The following EGF variants were observed in gnomAD, a reference collection of about 807,000 sequenced individuals.
EGF encodes the protein epidermal growth factor.
A neutral mutation model predicts 143.8 loss-of-function variants in EGF; 95 were observed. The observed-to-expected ratio is 0.66, with a 90% CI of 0.56 to 0.78. The LOEUF (loss-of-function observed/expected upper bound fraction) is 0.78. Ranked by LOEUF, EGF falls within the 30% of genes least tolerant of loss-of-function variation. The pLI is 0.00. For missense variants in EGF, 1,320 were observed against 1,470.9 expected, an observed-to-expected ratio of 0.90 and a Z score of 1.68; for synonymous variants, 510 against 510.5, an observed-to-expected ratio of 1.00 and a Z score of 0.01.
rs193251154 is a variant in EGF, at chr4:109,989,594, G to A, written c.2734+885G>A. On this transcript the variant is annotated intron_variant, in intron 18 of 23. Coordinates refer to ENST00000265171, the MANE Select transcript of EGF (RefSeq NM_001963.6). ...ATCAGACCTTTATTGGATTAGTTTT[G>A]TGGAATCCACAGACATCTGTAAACA... 1.3e-3 allele frequency among the ~76,000 whole-genome samples: 198 copies of A among 152,208 alleles called. 1 individual carries two copies. Among genetic ancestry groups the A allele is most frequent in the Non-Finnish European group, 1.6e-3 (111 of 68,024 alleles).
At chr4:109,972,518 T>C (rs1747822097) in intron 11 of EGF, among the ~76,000 whole-genome samples, 1 of 152,114 alleles carries the variant, frequency 6.6e-6, no homozygotes, top group Admixed American at 6.6e-5. Context: ...GGCCTCAGAA[T>C]TTCTTCCCTC....
chr4:109,955,285 A>C (rs1388330683), intron 5 of EGF, among the ~76,000 whole-genome samples: 2 of 152,176 alleles, frequency 1.3e-5, no homozygotes, highest in African/African-American at 4.8e-5. Context: ...TAGGAGCTTT[A>C]ATTGATCTCA....
intron 1 of EGF, among the ~76,000 whole-genome samples, chr4:109,930,035 G>A (rs1167571889): frequency 6.6e-6 from 1 of 152,072 alleles, no homozygotes. Flanking sequence ...TTTTATAAGG[G>A]GCTTCACCGC....
intron 8 of EGF, 106 bp from the exon 9 acceptor site, chr4:109,963,064 CAAA>C (rs61309548): frequency 1.2e-3 from 1,297 of 1,114,240 alleles, no homozygotes; most frequent in East Asian, 1.7e-3. Context: ...AACTCCATCT[CAAA>C]AAAAAAAAAA....
chr4:109,947,476 C>G (rs1222250852), intron 5 of EGF, among the ~76,000 whole-genome samples: 1 of 151,694 alleles, frequency 6.6e-6, no homozygotes, highest in African/African-American at 2.4e-5. Flanking sequence ...TTGTGGGAAA[C>G]AGTTCAACTC....
intron 10 of EGF, 102 bp from the exon 11 acceptor site, chr4:109,968,869 C>T (rs1341387964): frequency 3.9e-6 from 6 of 1,521,630 alleles, no homozygotes; most frequent in East Asian, 4.6e-5. Flanking sequence ...TCTCCAAAGT[C>T]AAGCTCTTAA....
At chr4:109,989,283 C>T (rs933375063) in intron 18 of EGF, among the ~76,000 whole-genome samples, 14 of 152,262 alleles carry the variant, frequency 9.2e-5, no homozygotes, top group Admixed American at 5.2e-4. Flanking sequence ...GGGTGTGGCA[C>T]GTTGGATTGG....
At chr4:109,913,891 T>C (rs1018725144) in intron 1 of EGF, among the ~76,000 whole-genome samples, 6 of 152,304 alleles carry the variant, frequency 3.9e-5, no homozygotes, top group African/African-American at 1.4e-4. Flanking sequence ...ATTCAGAAGT[T>C]CTAAAAATTA....
chr4:109,939,563 C>T (rs190076501), intron 1 of EGF, among the ~76,000 whole-genome samples: 84 of 152,320 alleles, frequency 5.5e-4, no homozygotes, highest in African/African-American at 1.7e-3. Context: ...TCCAACCAGT[C>T]CCAGTGGGAT....
chr4:109,938,246 GCTTT>G (rs1741209792), intron 1 of EGF, among the ~76,000 whole-genome samples: 1 of 152,016 alleles, frequency 6.6e-6, no homozygotes, highest in Non-Finnish European at 1.5e-5. Context: ...TTGTCTTCTT[GCTTT>G]ATTTCATTAA....
Position 109,987,821 on chromosome 4 carries a change from T to C in EGF, c.2569T>C (p.Cys857Arg). The C allele has an allele frequency of 1.2e-6, 2 of 1,613,922 alleles. No homozygotes were observed. Among genetic ancestry groups the C allele is most frequent in the Non-Finnish European group, 1.7e-6 (2 of 1,179,848 alleles). ...ISEGEDATCQ[C>R]LKGFAGDGKL... ...AGAGGGAGAGGATGCCACATGTCAGTGTTTGAAAGGATTTGCTGGGGATGG... is the reference window on the plus strand; with the variant it reads ...AGAGGGAGAGGATGCCACATGTCAGCGTTTGAAAGGATTTGCTGGGGATGG... The change falls in exon 17 of 24, where the codon TGT becomes CGT. Residue 857 changes from cysteine (C) to arginine (R), a missense_variant. Coordinates refer to ENST00000265171, the MANE Select transcript of EGF (RefSeq NM_001963.6).
intron 5 of EGF, among the ~76,000 whole-genome samples, chr4:109,947,353 T>C (rs1743033618): frequency 1.3e-5 from 2 of 152,012 alleles, no homozygotes; most frequent in African/African-American, 4.8e-5. Flanking sequence ...GAAACAGAGA[T>C]AGAATTGTTT....
chr4:109,916,298 T>C (rs1207923119), intron 1 of EGF, among the ~76,000 whole-genome samples: 1 of 152,124 alleles, frequency 6.6e-6, no homozygotes, highest in Non-Finnish European at 1.5e-5. Context: ...ATGCGATTTT[T>C]TTTCTTTTTT....
intron 22 of EGF, among the ~76,000 whole-genome samples, chr4:110,007,103 G>T (rs1013939333): frequency 1.3e-5 from 2 of 152,186 alleles, no homozygotes; most frequent in African/African-American, 4.8e-5. Context: ...TCATCAATGA[G>T]GAGGAGATGA....
In EGF at chr4:109,943,834, G is replaced by T. The variant is rs1183943159; in HGVS notation, c.510-8G>T. The T allele has an allele frequency of 2.5e-6, 4 of 1,613,004 alleles. No individual in the cohort carries two copies. Among genetic ancestry groups the T allele is most frequent in the South Asian group, 2.2e-5 (2 of 91,032 alleles). On this transcript the variant is annotated splice_region_variant and splice_polypyrimidine_tract_variant and intron_variant, in intron 3 of 23. Coordinates refer to ENST00000265171, the MANE Select transcript of EGF (RefSeq NM_001963.6). ...ATTTTTGGGTCTATGTAATGTGTTTGCCCTCAGGTTTATATTTTGGTCTTC... is the reference window on the plus strand; with the variant it reads ...ATTTTTGGGTCTATGTAATGTGTTTTCCCTCAGGTTTATATTTTGGTCTTC...
intron 11 of EGF, among the ~76,000 whole-genome samples, chr4:109,970,966 T>C (rs949130221): frequency 6.6e-6 from 1 of 152,188 alleles, no homozygotes; most frequent in Non-Finnish European, 1.5e-5. Flanking sequence ...CATACCTTCA[T>C]TTCTTTATTA....
chr4:109,935,264 A>G (rs532751181), intron 1 of EGF, among the ~76,000 whole-genome samples: 38 of 152,066 alleles, frequency 2.5e-4, no homozygotes, highest in African/African-American at 8.9e-4. Flanking sequence ...TTCTCCTTGA[A>G]GAGGTTCTTC....
chr4:109,946,631 C>G lies in EGF; in HGVS notation c.940+1356C>G, dbSNP rs1394650321. Among the ~76,000 whole-genome samples the G allele has an allele frequency of 2.0e-5, 3 of 152,228 alleles. No individual in the cohort carries two copies. The East Asian group carries it at 5.8e-4, about 29-fold the overall frequency. On this transcript the variant is annotated intron_variant, in intron 5 of 23. Coordinates refer to ENST00000265171, the MANE Select transcript of EGF (RefSeq NM_001963.6). ...TTTGCTTTCTTTTTGGATTCTCTCT[C>G]CCATTTGATTGTAAGTGCCATACAG...
At chr4:109,988,554 T>C in intron 17 of EGF, 30 bp from the exon 18 acceptor site, 1 of 1,613,766 alleles carries the variant, frequency 6.2e-7, no homozygotes, top group East Asian at 2.2e-5. Context: ...ATTGCCTAAA[T>C]ATTGCACTAG....
Sources: gnomAD v4.1 joint callset for allele counts (sites outside exome capture counted in the v4.1 genomes callset) on GRCh38, gnomAD v4.1.1 for gene constraint, MANE v1.5 for transcripts, NCBI Gene and HGNC (gene_info 2026-07-23, HGNC 2026-07-21) for gene names.